The following CDH18 variants were observed in gnomAD, a reference collection of about 807,000 sequenced individuals.
CDH18 encodes the protein cadherin 18, also known as cadherin-18.
Under a neutral mutation model 67.9 loss-of-function variants are expected in CDH18, and 31 were observed. The observed-to-expected ratio is 0.46, with a 90% CI of 0.34 to 0.62. The LOEUF (loss-of-function observed/expected upper bound fraction) is 0.62, where lower values mean the gene tolerates loss of function less well. CDH18 is among the 20% of genes least tolerant of loss of function. CDH18 has a pLI of 0.01. For missense variants in CDH18, 890 were observed against 975.5 expected (o/e 0.91, Z 1.17); for synonymous variants, 362 against 347.2 (o/e 1.04, Z -0.48).
intron 3 of CDH18, among the ~76,000 whole-genome samples, chr5:19,778,978 C>G (rs1267117110): frequency 6.6e-6 from 1 of 152,150 alleles, no homozygotes; most frequent in Non-Finnish European, 1.5e-5. Context: ...AACTCTCTTT[C>G]ACAAATGATG....
rs766331111 is a variant in CDH18, at chr5:19,483,347, A to G, written c.1836T>C (p.Ser612=). ...AEAFLSSAGL[S]TGALIAILLC... is the part of the protein sequence containing the mutation. ...GAAGAATAGCGATTAAGGCTCCTGTACTCAAACCAGCCGAGGACAGGAAGG... is the reference window on the plus strand; with the variant it reads ...GAAGAATAGCGATTAAGGCTCCTGTGCTCAAACCAGCCGAGGACAGGAAGG... Residue 612 remains serine, a synonymous_variant, in exon 12 of 13, where the codon AGT becomes AGC. Coordinates refer to ENST00000382275, the MANE Select transcript of CDH18 (RefSeq NM_004934.5). 2 of 1,614,022 alleles carry G rather than the reference A, an allele frequency of 1.2e-6. No homozygotes were observed. Among genetic ancestry groups the G allele is most frequent in the Admixed American group, 1.7e-5 (1 of 60,012 alleles).
chr5:19,877,851 A>T (rs1787198426), intron 2 of CDH18: 1 of 152,168 alleles, frequency 6.6e-6, no homozygotes, highest in African/African-American at 2.4e-5. Flanking sequence ...GTTGTTTAGG[A>T]ATCAAAATGA....
chr5:20,395,891 A>C (rs994305604), intron 1 of CDH18, among the ~76,000 whole-genome samples: 1 of 152,090 alleles, frequency 6.6e-6, no homozygotes, highest in Non-Finnish European at 1.5e-5. Context: ...ATCGCTGAGG[A>C]TGTGGAGGCT....
intron 2 of CDH18, among the ~76,000 whole-genome samples, chr5:19,969,687 A>G (rs1431293588): frequency 7.6e-6 from 1 of 131,740 alleles, no homozygotes; most frequent in East Asian, 2.3e-4. Flanking sequence ...CACTCTGGGG[A>G]CTGTTGTGTG....
At chr5:19,611,447 T>C (rs1287238883) in intron 6 of CDH18, among the ~76,000 whole-genome samples, 1 of 152,098 alleles carries the variant, frequency 6.6e-6, no homozygotes, top group East Asian at 1.9e-4. Flanking sequence ...GGGCCGTGAA[T>C]AAGGAAAAAT....
At chr5:20,314,122 T>C (rs1032629909) in intron 1 of CDH18, among the ~76,000 whole-genome samples, 7 of 152,192 alleles carry the variant, frequency 4.6e-5, no homozygotes, top group East Asian at 1.9e-4. Context: ...AGCAAAACCA[T>C]AGGTGTCATA....
intron 2 of CDH18, among the ~76,000 whole-genome samples, chr5:20,230,057 A>C (rs1235571993): frequency 1.3e-5 from 2 of 152,152 alleles, no homozygotes; most frequent in African/African-American, 2.4e-5. Context: ...TCTTTCAGGA[A>C]TGGGAAATAG....
intron 6 of CDH18, among the ~76,000 whole-genome samples, chr5:19,599,720 G>C (rs1179841175): frequency 1.3e-5 from 2 of 152,046 alleles, no homozygotes; most frequent in African/African-American, 4.8e-5. Flanking sequence ...GGCTAACACG[G>C]TGAAACCCCA....
rs552698994 is a variant in CDH18 at position 20,433,257 on chromosome 5, ATG to A, written c.-580+142203_-580+142204del. On this transcript the variant is annotated intron_variant, in intron 1 of 14. Transcript: ENST00000507958. ...ATATATATATATATACACATAATAT[ATG>A]TGTGTGTGTGTGTATATTTATATAT... Among the ~76,000 whole-genome samples, 194 of 150,904 alleles carry A rather than the reference ATG, an allele frequency of 1.3e-3. 1 individual carries two copies. The highest frequency in any genetic ancestry group is 1.8e-3 in the Non-Finnish European group (125 of 67,736).
intron 1 of CDH18, among the ~76,000 whole-genome samples, chr5:20,477,486 A>G (rs2150249307): frequency 6.6e-6 from 1 of 152,200 alleles, no homozygotes; most frequent in East Asian, 1.9e-4. Flanking sequence ...GAAAGAGCAC[A>G]GTGATTGTGA....
At position 19,642,636 on chromosome 5, in the gene CDH18, A is replaced by G. The variant is rs1754174972; in HGVS notation, c.644-30035T>C. ...GGACATTCCATGCAGAATAATTTAA[A>G]TGGACCCTTATTCTCACTATTTACA... On this transcript the variant is annotated intron_variant, in intron 5 of 12. Transcript: ENST00000382275. 2.0e-5 allele frequency among the ~76,000 whole-genome samples: 3 copies of G among 152,074 alleles called. No individual in the cohort carries two copies. The South Asian group carries it at 6.2e-4, about 31-fold the overall frequency.
chr5:19,552,889 A>G (rs367842), intron 8 of CDH18, among the ~76,000 whole-genome samples: 110,569 of 152,012 alleles, frequency 0.73, 40,389 homozygotes, highest in Non-Finnish European at 0.77. Flanking sequence ...TTTCTACACC[A>G]CTCTTTGTTC....
chr5:19,993,440 T>C (rs1012086056), intron 2 of CDH18, among the ~76,000 whole-genome samples: 4 of 152,266 alleles, frequency 2.6e-5, no homozygotes, highest in Non-Finnish European at 4.4e-5. Flanking sequence ...ATTTGGAATA[T>C]TGTATTTTAA....
Position 19,719,508 on chromosome 5 carries a change from G to T in CDH18, c.643+1839C>A, listed in dbSNP as rs61087700. On this transcript the variant is annotated intron_variant, in intron 5 of 12. Coordinates refer to ENST00000382275, the MANE Select transcript of CDH18 (RefSeq NM_004934.5). ...TGAAATATCACCATTAAAGAATGGC[G>T]AGCTTTTCAACTAATTCTAAGCTCT... 5.9e-5 allele frequency among the ~76,000 whole-genome samples: 9 copies of T among 151,862 alleles called. No homozygotes were observed. The East Asian group carries it at 1.7e-3, about 29-fold the overall frequency.
rs1554106665 is a variant in CDH18 at position 20,242,620 on chromosome 5, A to ATACATATATATACATG, written c.-518+12823_-518+12824insCATGTATATATATGTA. ...GGAAAAAAAAAAAAAAAATATATATATATATATATATATGTATATATATAT... is the reference window on the plus strand; with the variant it reads ...GGAAAAAAAAAAAAAAAATATATATATACATATATATACATGTATATATATATATGTATATATATAT... On this transcript the variant is annotated intron_variant, in intron 2 of 14. Transcript: ENST00000507958. 1.0e-4 allele frequency among the ~76,000 whole-genome samples: 7 copies of ATACATATATATACATG among 68,876 alleles called. No individual in the cohort carries two copies. In the East Asian group the frequency reaches 1.3e-3, roughly 13 times the overall value. The allele number at this position is 68,876 out of a possible 152,430, so 45.2% of individuals were successfully genotyped here. A position where few individuals can be genotyped will look rare whatever the true frequency, so the allele number is the denominator to read the frequency against.
At chr5:19,904,636 T>C (rs986595364) in intron 2 of CDH18, among the ~76,000 whole-genome samples, 1 of 152,226 alleles carries the variant, frequency 6.6e-6, no homozygotes, top group Non-Finnish European at 1.5e-5. Flanking sequence ...GCTAGATACA[T>C]AAACTTGGCT....
intron 6 of CDH18, among the ~76,000 whole-genome samples, chr5:19,601,001 G>A (rs1747038990): frequency 6.6e-6 from 1 of 152,104 alleles, no homozygotes; most frequent in African/African-American, 2.4e-5. Flanking sequence ...TTAAAACTAG[G>A]TGAAATAAAC....
At chr5:20,322,166 T>A (rs1738093911) in intron 1 of CDH18, among the ~76,000 whole-genome samples, 1 of 152,056 alleles carries the variant, frequency 6.6e-6, no homozygotes, top group Non-Finnish European at 1.5e-5. Context: ...TATTCAGGTG[T>A]TAAGAAGAAT....
intron 1 of CDH18, among the ~76,000 whole-genome samples, chr5:20,313,855 A>G (rs959098912): frequency 1.3e-5 from 2 of 152,038 alleles, no homozygotes; most frequent in African/African-American, 4.8e-5. Context: ...ACCTACATGT[A>G]ATTATCTTTC....
Sources: gnomAD v4.1 joint callset for allele counts (sites outside exome capture counted in the v4.1 genomes callset) on GRCh38, gnomAD v4.1.1 for gene constraint, MANE v1.5 for transcripts, NCBI Gene and HGNC (gene_info 2026-07-23, HGNC 2026-07-21) for gene names.